ANO4: variants seen among roughly 807,000 people sequenced by gnomAD.
The protein encoded by ANO4 is anoctamin 4.
Under a neutral mutation model 141.9 loss-of-function variants are expected in ANO4, and 69 were observed. The observed-to-expected ratio is 0.49, with a 90% confidence interval of 0.40 to 0.59. The LOEUF (loss-of-function observed/expected upper bound fraction) is 0.59. Ranked by LOEUF, ANO4 falls within the 20% of genes least tolerant of loss-of-function variation. The pLI is 0.00. For missense variants in ANO4, 894 were observed against 1,162.2 expected (o/e 0.77, Z 3.36); for synonymous variants, 350 against 394.3 (o/e 0.89, Z 1.33).
intron 5 of ANO4, among the ~76,000 whole-genome samples, chr12:100,955,649 G>A (rs947252416): frequency 6.6e-6 from 1 of 152,164 alleles, no homozygotes; most frequent in East Asian, 1.9e-4. Flanking sequence ...TATGCTCAGC[G>A]TATTTGAGGA....
intron 3 of ANO4, among the ~76,000 whole-genome samples, chr12:100,764,805 C>T (rs2033010554): frequency 6.6e-6 from 1 of 152,138 alleles, no homozygotes; most frequent in African/African-American, 2.4e-5. Flanking sequence ...ATTAGGTCTC[C>T]TTAGAGGCTG....
chr12:100,730,316 C>T (rs2031330220), intron 1 of ANO4, among the ~76,000 whole-genome samples: 1 of 151,932 alleles, frequency 6.6e-6, no homozygotes, highest in Admixed American at 6.6e-5. Context: ...CTCCCCTGCC[C>T]CCCAAGAGTG....
At chr12:101,043,400 A>T in intron 12 of ANO4, 139 bp from the exon 13 acceptor site, 1 of 596,020 alleles carries the variant, frequency 1.7e-6, no homozygotes, top group Non-Finnish European at 2.9e-6. Flanking sequence ...TGTTTACATT[A>T]ATAACAGATA....
chr12:101,080,865 G>GAGATATATATATATT (rs1555296492), intron 15 of ANO4, among the ~76,000 whole-genome samples: 1 of 109,374 alleles, frequency 9.1e-6, no homozygotes, highest in Non-Finnish European at 1.8e-5. Flanking sequence ...CTAGGTTCTA[G>GAGATATATATATATT]ATATATATAT....
chr12:100,939,214 A>G (rs1336071620), intron 3 of ANO4, 101 bp from the exon 4 acceptor site: 2 of 1,206,844 alleles, frequency 1.7e-6, no homozygotes, highest in South Asian at 1.6e-5. Context: ...TAATGAAATG[A>G]TGAGAAAATA....
chr12:100,974,071 T>C (rs1349616803), intron 6 of ANO4, among the ~76,000 whole-genome samples: 1 of 152,238 alleles, frequency 6.6e-6, no homozygotes, highest in Non-Finnish European at 1.5e-5. Flanking sequence ...AAGCCTGAAA[T>C]ATGGAAAGTG....
chr12:100,923,469 TC>T (rs201213974), intron 3 of ANO4, among the ~76,000 whole-genome samples: 5,571 of 152,246 alleles, frequency 0.037, 280 homozygotes, highest in African/African-American at 0.11. Flanking sequence ...CATGAACTCA[TC>T]CTTTTTTATG....
In ANO4 at chr12:101,120,595, T is replaced by C. The variant is rs1488692108; in HGVS notation, c.2646T>C (p.Ala882=). The part of the protein sequence containing the change: ...GYTLQFWHVL[A]ARLAFIIVFE... ...CACTGCAGTTTTGGCATGTCCTAGCTGCTCGATTAGCTTTTATCATTGTCT... is the reference window on the plus strand; with the variant it reads ...CACTGCAGTTTTGGCATGTCCTAGCCGCTCGATTAGCTTTTATCATTGTCT... The change falls in exon 26 of 28, where the codon GCT becomes GCC. Residue 882 remains alanine, a synonymous_variant. Coordinates refer to ENST00000392977, the MANE Select transcript of ANO4 (RefSeq NM_001286615.2). 1.9e-6 allele frequency: 3 copies of C among 1,614,118 alleles called. No homozygotes were observed. In the Admixed American group the frequency reaches 5.0e-5, roughly 27 times the overall value.
chr12:100,956,528 C>T (rs183551321), intron 5 of ANO4, among the ~76,000 whole-genome samples: 41 of 152,266 alleles, frequency 2.7e-4, no homozygotes, highest in Middle Eastern at 3.4e-3. Context: ...TGCATTATGT[C>T]GCCTCTTGGG....
chr12:101,048,506 G>T (rs906470294), intron 14 of ANO4, 105 bp downstream of exon 14: 5 of 1,003,794 alleles, frequency 5.0e-6, no homozygotes, highest in Non-Finnish European at 7.4e-6. Context: ...TTGAGTAAAT[G>T]GAATTAGCTT....
intron 1 of ANO4, among the ~76,000 whole-genome samples, chr12:100,831,482 A>G (rs1315895629): frequency 6.6e-6 from 1 of 151,486 alleles, no homozygotes; most frequent in Admixed American, 6.6e-5. Context: ...TGTAGGGTCT[A>G]TAGTCAATCA....
intron 3 of ANO4, among the ~76,000 whole-genome samples, chr12:100,933,646 T>G (rs144890061): frequency 6.6e-6 from 1 of 152,300 alleles, no homozygotes; most frequent in Non-Finnish European, 1.5e-5. Context: ...GTAATGGGAT[T>G]GCTGGAATGG....
chr12:100,932,266 T>C (rs961332669), intron 3 of ANO4, among the ~76,000 whole-genome samples: 3 of 152,076 alleles, frequency 2.0e-5, no homozygotes, highest in African/African-American at 7.2e-5. Flanking sequence ...ATTTGGAAAA[T>C]AGAGAAGTAA....
At chr12:100,873,900 C>T (rs369541615) in intron 1 of ANO4, among the ~76,000 whole-genome samples, 6 of 152,168 alleles carry the variant, frequency 3.9e-5, no homozygotes, top group Non-Finnish European at 5.9e-5. Context: ...AGTGGTTTTG[C>T]GGACTGGGCC....
At chr12:100,970,675 T>TTCCTTCCTTCCTTCCTTCCTTCCG (rs1384119288) in intron 5 of ANO4, among the ~76,000 whole-genome samples, 1 of 52,916 alleles carries the variant, frequency 1.9e-5, no homozygotes. Flanking sequence ...CCTTCCTTCC[T>TTCCTTCCTTCCTTCCTTCCTTCCG]TCCTTCCTTC....
intron 7 of ANO4, 124 bp downstream of exon 7, chr12:100,975,013 C>T (rs2044100821): frequency 3.5e-6 from 4 of 1,129,310 alleles, no homozygotes. Context: ...GGCTGCCATG[C>T]ACATTTTAAA....
intron 1 of ANO4, chr12:100,717,687 C>T (rs1037511592): frequency 6.6e-5 from 26 of 394,672 alleles, no homozygotes; most frequent in Non-Finnish European, 7.2e-5. Context: ...CCGTGCGCGC[C>T]GCTCCTGAGG....
Position 101,099,719 on chromosome 12 carries a change from G to A in ANO4, c.2148G>A (p.Met716Ile), listed in dbSNP as rs200042629. Reference protein sequence around the residue: ...AYGLFDEYLEMILQFGFTTIF... With the variant: ...AYGLFDEYLEIILQFGFTTIF... ...GACTCTTCGATGAATACTTAGAAAT[G>A]AGTATGGAAATATTCTACTTTATCT... The change falls in exon 22 of 28, where the codon ATG becomes ATA. Residue 716 changes from methionine to isoleucine, a missense_variant and splice_region_variant. Physicochemically the swap from Met to Ile is conservative, Grantham distance 10. This residue lies in a region of ANO4 where 637 missense variants were observed against 909.2 expected (regional missense o/e 0.70). Coordinates refer to ENST00000392977, the MANE Select transcript of ANO4 (RefSeq NM_001286615.2). The A allele has an allele frequency of 1.5e-5, 24 of 1,558,630 alleles. No homozygotes were observed. The East Asian group carries it at 4.4e-4, about 28-fold the overall frequency.
At chr12:100,868,910 G>T (rs1211033187) in intron 1 of ANO4, among the ~76,000 whole-genome samples, 2 of 152,204 alleles carry the variant, frequency 1.3e-5, no homozygotes, top group African/African-American at 4.8e-5. Context: ...TTTAAAAATT[G>T]TAAAAACCAT....
Sources: allele counts gnomAD v4.1 joint callset (sites outside exome capture counted in the v4.1 genomes callset), GRCh38; gene constraint gnomAD v4.1.1; regional missense constraint gnomAD v4.1.1; transcripts MANE v1.5; gene names NCBI Gene and HGNC (gene_info 2026-07-23, HGNC 2026-07-21).